The following SLC2A8 variants were observed in gnomAD, a reference collection of about 807,000 sequenced individuals.
SLC2A8 encodes the protein solute carrier family 2 member 8.
In SLC2A8, 53 loss-of-function variants were observed where a neutral mutation model predicts 49.2. The ratio of observed to expected loss-of-function variants is 1.08; its 90% CI spans 0.86 to 1.35. The LOEUF (loss-of-function observed/expected upper bound fraction) is 1.35. SLC2A8 is among the 40% of genes most tolerant of loss of function. SLC2A8 has a pLI of 0.00. For missense variants in SLC2A8, 688 were observed against 671.7 expected, an observed-to-expected ratio of 1.02 and a Z score of -0.27; for synonymous variants, 299 against 297.0, an observed-to-expected ratio of 1.01 and a Z score of -0.07.
chr9:127,402,755 T>G lies in SLC2A8; in HGVS notation c.723+2T>G. The G allele has an allele frequency of 6.5e-7, 1 of 1,534,730 alleles. No homozygotes were observed. The highest frequency in any genetic ancestry group is 2.1e-5 in the Admixed American group (1 of 48,638). On this transcript the variant is annotated splice_donor_variant, in intron 5 of 9. Transcript: ENST00000373371. LOFTEE classifies it high-confidence loss of function. ...GACCCCCCCATCGGGGCTGAGCAGGTGAGAGGCTGGAAGGCAGAGCTGACA... is the reference window on the plus strand; with the variant it reads ...GACCCCCCCATCGGGGCTGAGCAGGGGAGAGGCTGGAAGGCAGAGCTGACA...
At chr9:127,398,206 C>T in intron 3 of SLC2A8, 95 bp downstream of exon 3, 1 of 1,308,038 alleles carries the variant, frequency 7.6e-7, no homozygotes, top group South Asian at 1.2e-5. Flanking sequence ...GCGGCTCCCC[C>T]TGGCGGGACC....
rs143653280 is a variant in SLC2A8 at position 127,400,064 on chromosome 9, G to C, written c.526+58G>C. ...GTGGTCATGTGGCCATTTTACAGATGTGTAAACAGAGGTTCAGTGAGGTCA... is the reference window on the plus strand; with the variant it reads ...GTGGTCATGTGGCCATTTTACAGATCTGTAAACAGAGGTTCAGTGAGGTCA... On this transcript the variant is annotated intron_variant, in intron 4 of 9. Coordinates refer to ENST00000373371, the MANE Select transcript of SLC2A8 (RefSeq NM_014580.5). The C allele has an allele frequency of 2.7e-6, 4 of 1,475,458 alleles. No individual in the cohort carries two copies. In the East Asian group the frequency reaches 9.2e-5, roughly 34 times the overall value. 91.4% of individuals were successfully genotyped at this position (1,475,458 alleles called of 1,614,324 possible). A position where few individuals can be genotyped will look rare whatever the true frequency, so the allele number is the denominator to read the frequency against.
intron 4 of SLC2A8, among the ~76,000 whole-genome samples, chr9:127,401,984 C>G (rs970690989): frequency 2.0e-5 from 3 of 152,222 alleles, no homozygotes; most frequent in Non-Finnish European, 2.9e-5. Context: ...TGCACTTATG[C>G]TGTTCTTCAT....
chr9:127,405,374 A>C, intron 8 of SLC2A8, 46 bp from the exon 9 acceptor site: 2 of 1,599,424 alleles, frequency 1.3e-6, no homozygotes, highest in Non-Finnish European at 1.7e-6. Context: ...TGAGGAGCCC[A>C]GCCCTGCGGA....
intron 5 of SLC2A8, 101 bp from the exon 6 acceptor site, chr9:127,403,559 G>A: frequency 7.1e-7 from 1 of 1,400,830 alleles, no homozygotes; most frequent in East Asian, 2.3e-5. Flanking sequence ...CCAAGACGTG[G>A]GAGTCAGCGC....
Position 127,397,954 on chromosome 9 carries a change from TG to T in SLC2A8, c.271del (p.Val91TrpfsTer8). 2 of 1,534,928 alleles carry T rather than the reference TG, an allele frequency of 1.3e-6. No individual in the cohort carries two copies. The highest frequency in any genetic ancestry group is 1.7e-6 in the Non-Finnish European group (2 of 1,146,802). ...GCGGGGGGAGTGCTGGGCGGCTGGCTGGTGGACCGCGCCGGGCGCAAGCTGA... is the reference window on the plus strand; with the variant it reads ...GCGGGGGGAGTGCTGGGCGGCTGGCTGTGGACCGCGCCGGGCGCAAGCTGA... ...AAAGGVLGGW[L>X]VDRAGRKLSL... is the part of the protein sequence containing the mutation. On this transcript the variant is annotated frameshift_variant, in exon 3 of 10. Coordinates refer to ENST00000373371, the MANE Select transcript of SLC2A8 (RefSeq NM_014580.5). LOFTEE classifies it high-confidence loss of function.
intron 9 of SLC2A8, among the ~76,000 whole-genome samples, chr9:127,406,859 C>T (rs1025634122): frequency 6.6e-5 from 10 of 152,252 alleles, no homozygotes; most frequent in Non-Finnish European, 1.3e-4. Context: ...GCAGTCACTT[C>T]ATTGCTGTGA....
In SLC2A8 at chr9:127,401,864, G is replaced by A. The variant is rs1192442394; in HGVS notation, c.527-693G>A. Among the ~76,000 whole-genome samples, 3 of 152,206 alleles carry A rather than the reference G, an allele frequency of 2.0e-5. No homozygotes were observed. The East Asian group carries it at 5.8e-4, about 29-fold the overall frequency. ...TCCACTGGGAACCAGGGATGGGTAA[G>A]CCTTGGGCTTAGGAAAAATTAGTAA... On this transcript the variant is annotated intron_variant, in intron 4 of 9. Transcript: ENST00000373371.
At chr9:127,407,000 G>A (rs982261722) in intron 9 of SLC2A8, 112 bp from the exon 10 acceptor site, 3 of 1,227,802 alleles carry the variant, frequency 2.4e-6, no homozygotes, top group Non-Finnish European at 2.3e-6. Flanking sequence ...CCTTGGGCAG[G>A]GCAGGCTGGG....
chr9:127,405,381 C>A, intron 8 of SLC2A8, 39 bp from the exon 9 acceptor site: 1 of 1,603,976 alleles, frequency 6.2e-7, no homozygotes, highest in Non-Finnish European at 8.5e-7. Context: ...CCCAGCCCTG[C>A]GGACCCTGAT....
chr9:127,399,798 C>T lies in SLC2A8; in HGVS notation c.427-109C>T. ...GTTTCTCCCTGTTGGTCAGGCCAGT[C>T]TCAAACTCCCAACCTCTGGTGATCT... On this transcript the variant is annotated intron_variant, in intron 3 of 9. Transcript: ENST00000373371. The surrounding 1 kb of genome is among the most constrained non-coding windows in gnomAD (Gnocchi z 4.2). The T allele has an allele frequency of 1.2e-6, 1 of 856,250 alleles. No homozygotes were observed. Among genetic ancestry groups the T allele is most frequent in the Non-Finnish European group, 1.9e-6 (1 of 529,792 alleles). 53.0% of individuals were successfully genotyped at this position (856,250 alleles called of 1,614,324 possible). A position where few individuals can be genotyped will look rare whatever the true frequency, so the allele number is the denominator to read the frequency against.
intron 4 of SLC2A8, among the ~76,000 whole-genome samples, chr9:127,401,457 C>T (rs1833287946): frequency 1.3e-5 from 2 of 152,240 alleles, no homozygotes; most frequent in African/African-American, 2.4e-5. Context: ...TTTTTACCCA[C>T]TTAACCACCC....
Position 127,407,489 on chromosome 9 carries a change from G to A in SLC2A8, c.*240G>A, listed in dbSNP as rs1432746555. ...ACACCTTCGAGCTTTGCAGACCTGC[G>A]GTCAGCCCTCCATGCGCAAGACTAA... is the stretch of plus-strand genomic sequence containing the variant. On this transcript the variant is annotated 3_prime_UTR_variant, in exon 10 of 10. Coordinates refer to ENST00000373371, the MANE Select transcript of SLC2A8 (RefSeq NM_014580.5). The A allele has an allele frequency of 1.4e-5, 9 of 654,246 alleles. No individual in the cohort carries two copies. The highest frequency in any genetic ancestry group is 2.4e-4 in the Middle Eastern group (1 of 4,132). The allele number at this position is 654,246 out of a possible 1,614,324, so 40.5% of individuals were successfully genotyped here. A position where few individuals can be genotyped will look rare whatever the true frequency, so the allele number is the denominator to read the frequency against.
At chr9:127,405,122 T>G in intron 8 of SLC2A8, 131 bp downstream of exon 8, 2 of 1,034,528 alleles carry the variant, frequency 1.9e-6, no homozygotes, top group South Asian at 1.6e-5. Context: ...TCTGCATTTC[T>G]AGCTCTGACC....
chr9:127,402,995 T>G (rs542356930), intron 5 of SLC2A8, among the ~76,000 whole-genome samples: 2 of 152,186 alleles, frequency 1.3e-5, no homozygotes, highest in Non-Finnish European at 2.9e-5. Flanking sequence ...TGACCCTTAC[T>G]GTCCCAGGAA....
intron 9 of SLC2A8, among the ~76,000 whole-genome samples, chr9:127,406,217 T>C (rs1486958190): frequency 1.3e-5 from 2 of 152,228 alleles, no homozygotes; most frequent in Non-Finnish European, 2.9e-5. Context: ...ATGAACAAGA[T>C]GGACAGGGTC....
chr9:127,404,300 C>T lies in SLC2A8; in HGVS notation c.976+233C>T, dbSNP rs567391681. 96 of 453,140 alleles carry T rather than the reference C, an allele frequency of 2.1e-4. No homozygotes were observed. The South Asian group carries it at 3.2e-3, about 15-fold the overall frequency. 28.1% of individuals were successfully genotyped at this position (453,140 alleles called of 1,614,324 possible). ...TGGTGAACCCACCAGAAGGCACTCT[C>T]ACAGCCCCAGCTTATGACGGGAAAA... On this transcript the variant is annotated intron_variant, in intron 7 of 9. Coordinates refer to ENST00000373371, the MANE Select transcript of SLC2A8 (RefSeq NM_014580.5).
chr9:127,402,892 G>A (rs989801121), intron 5 of SLC2A8, 139 bp downstream of exon 5: 17 of 1,104,082 alleles, frequency 1.5e-5, no homozygotes, highest in Admixed American at 1.2e-4. Flanking sequence ...GCGAGGACAG[G>A]CCCAGTGTGT....
chr9:127,401,691 C>G (rs533484169), intron 4 of SLC2A8, among the ~76,000 whole-genome samples: 2 of 152,200 alleles, frequency 1.3e-5, no homozygotes, highest in African/African-American at 4.8e-5. Flanking sequence ...TGGGTGAACT[C>G]TGATAACTCC....
Sources: gnomAD v4.1 joint callset for allele counts (sites outside exome capture counted in the v4.1 genomes callset) on GRCh38, gnomAD v4.1.1 for gene constraint, Gnocchi (gnomAD v3.1) non-coding constraint, MANE v1.5 for transcripts, NCBI Gene and HGNC (gene_info 2026-07-23, HGNC 2026-07-21) for gene names.